Variants in HNRNPA3 observed in about 807,000 individuals in gnomAD.
HNRNPA3 encodes the protein heterogeneous nuclear ribonucleoprotein A3, also known as epididymis secretory sperm binding protein.
In HNRNPA3, 3 loss-of-function variants were observed where a neutral mutation model predicts 45.8. That is an observed-to-expected ratio of 0.07 (90% confidence interval 0.03 to 0.17). The LOEUF is 0.17. HNRNPA3 is among the 10% of genes least tolerant of loss of function. The pLI, the probability that HNRNPA3 is intolerant of heterozygous loss-of-function variation, is 1.00. For missense variants in HNRNPA3, 183 were observed against 480.3 expected, an observed-to-expected ratio of 0.38 and a Z score of 5.79; for synonymous variants, 170 against 155.6, an observed-to-expected ratio of 1.09 and a Z score of -0.69.
intron 7 of HNRNPA3, 113 bp from the exon 8 acceptor site, chr2:177,217,592 A>G: frequency 7.7e-7 from 1 of 1,299,748 alleles, no homozygotes; most frequent in Non-Finnish European, 1.1e-6. Context: ...GCACCACTGT[A>G]CTTGAGCCCG....
intron 1 of HNRNPA3, 61 bp from the exon 2 acceptor site, chr2:177,215,478 C>G: frequency 2.0e-6 from 3 of 1,527,676 alleles, no homozygotes; most frequent in Non-Finnish European, 2.7e-6. Flanking sequence ...ATTAAAGGCT[C>G]TTCGTGCATC....
intron 6 of HNRNPA3, 30 bp downstream of exon 6, chr2:177,216,801 T>TA (rs1473826742): frequency 1.9e-6 from 3 of 1,613,562 alleles, no homozygotes; most frequent in Non-Finnish European, 2.5e-6. Context: ...AGTACATGGA[T>TA]ACCTGACATT....
chr2:177,217,860 G>A lies in HNRNPA3; in HGVS notation c.961+15G>A. The A allele has an allele frequency of 6.5e-7, 1 of 1,546,140 alleles. No individual in the cohort carries two copies. The highest frequency in any genetic ancestry group is 8.7e-7 in the Non-Finnish European group (1 of 1,149,248). On this transcript the variant is annotated intron_variant, in intron 8 of 10. Transcript: ENST00000392524. ...TTTTGGCGGTGGTAAGCATTCACTTGTTTTATTTAAATGTTAAATATTCAG... is the reference window on the plus strand; with the variant it reads ...TTTTGGCGGTGGTAAGCATTCACTTATTTTATTTAAATGTTAAATATTCAG...
exon 11 of HNRNPA3, chr2:177,219,874 A>G (rs1437695703): frequency 6.5e-6 from 1 of 152,684 alleles, no homozygotes; most frequent in Non-Finnish European, 1.5e-5. Flanking sequence ...AGTAAAGAAG[A>G]TCATTGTTAA....
chr2:177,222,851 A>G (rs1226124267), downstream of HNRNPA3: 1 of 152,646 alleles, frequency 6.6e-6, no homozygotes, highest in Non-Finnish European at 1.5e-5. Flanking sequence ...TCTTGCATTT[A>G]AATTCAGGGA....
chr2:177,221,691 C>CA (rs1311759103), downstream of HNRNPA3: 1 of 152,518 alleles, frequency 6.6e-6, no homozygotes, highest in East Asian at 1.9e-4. Context: ...CACAGAAACT[C>CA]ACTAAGACAG....
intron 8 of HNRNPA3, among the ~76,000 whole-genome samples, chr2:177,218,165 G>A (rs955390575): frequency 9.4e-5 from 14 of 148,610 alleles, no homozygotes; most frequent in African/African-American, 2.5e-4. Flanking sequence ...GGGTTCATGC[G>A]ATTCTCCTGC....
At chr2:177,217,050 A>G (rs1688973274) in intron 7 of HNRNPA3, 110 bp downstream of exon 7, 3 of 1,178,104 alleles carry the variant, frequency 2.5e-6, no homozygotes, top group African/African-American at 3.1e-5. Context: ...CTAAATGGTT[A>G]AGGTGTATTT....
intron 8 of HNRNPA3, 72 bp from the exon 9 acceptor site, chr2:177,218,965 T>C: frequency 1.3e-6 from 2 of 1,561,546 alleles, no homozygotes; most frequent in South Asian, 2.3e-5. Flanking sequence ...CAAAAGATAA[T>C]AGTTACATAC....
chr2:177,222,778 CAAA>C (rs941212945), downstream of HNRNPA3: 104 of 152,718 alleles, frequency 6.8e-4, no homozygotes, highest in African/African-American at 2.5e-3. Flanking sequence ...GACCCCATCT[CAAA>C]GAAGAAAAGT....
intron 1 of HNRNPA3, 64 bp downstream of exon 1, chr2:177,212,935 A>G: frequency 1.8e-6 from 2 of 1,086,846 alleles, no homozygotes; most frequent in Non-Finnish European, 2.5e-6. Context: ...GTTCGGTGGG[A>G]GCGGGGAGGC....
Position 177,216,197 on chromosome 2 carries a change from C to A in HNRNPA3, c.553+9C>A, listed in dbSNP as rs548778384. 2.8e-5 allele frequency: 42 copies of A among 1,514,938 alleles called. No individual in the cohort carries two copies. In the African/African-American group the frequency reaches 5.5e-4, roughly 20 times the overall value. 93.8% of individuals were successfully genotyped at this position (1,514,938 alleles called of 1,614,324 possible). A position where few individuals can be genotyped will look rare whatever the true frequency, so the allele number is the denominator to read the frequency against. ...AGTTGATAAAATTGTTGGTAAGTAG[C>A]AATTTATGGTAACTTGAATGAGAAA... On this transcript the variant is annotated intron_variant, in intron 4 of 10. Coordinates refer to ENST00000392524, the Ensembl canonical transcript of HNRNPA3.
intron 4 of HNRNPA3, 129 bp from the exon 5 acceptor site, chr2:177,216,374 C>A: frequency 1.4e-6 from 1 of 738,334 alleles, no homozygotes; most frequent in Non-Finnish European, 2.2e-6. Context: ...TCTCAGAATG[C>A]TCCTTCATTA....
intron 7 of HNRNPA3, 142 bp from the exon 8 acceptor site, chr2:177,217,563 A>C: frequency 1.1e-6 from 1 of 945,334 alleles, no homozygotes; most frequent in Non-Finnish European, 1.7e-6. Context: ...CAGGAGTTCA[A>C]GGCTGCATTG....
chr2:177,218,613 GC>G, intron 8 of HNRNPA3, among the ~76,000 whole-genome samples: 1 of 152,326 alleles, frequency 6.6e-6, no homozygotes, highest in African/African-American at 2.4e-5. Flanking sequence ...GGTAGTTGAA[GC>G]GTTTAAGCAA....
Position 177,220,020 on chromosome 2 carries a change from T to C in HNRNPA3, c.*628T>C, listed in dbSNP as rs1574246946. ...CTGACATGTGGAGAGAATAGATAAT[T>C]TGTGTGTTTGCAATGTGTGTTTTAG... On this transcript the variant is annotated 3_prime_UTR_variant, in exon 11 of 11. Coordinates refer to ENST00000392524, the Ensembl canonical transcript of HNRNPA3. The C allele has an allele frequency of 2.6e-5, 4 of 152,730 alleles. No individual in the cohort carries two copies. In the Middle Eastern group the frequency reaches 0.01, roughly 390 times the overall value. The allele number at this position is 152,730 out of a possible 1,614,324, so 9.5% of individuals were successfully genotyped here.
chr2:177,216,311 T>C, intron 4 of HNRNPA3, 123 bp downstream of exon 4: 1 of 742,012 alleles, frequency 1.3e-6, no homozygotes, highest in Non-Finnish European at 2.2e-6. Context: ...TAGTCAATTT[T>C]CATAGTGTCT....
exon 9 of HNRNPA3, chr2:177,219,157 G>A: frequency 1.2e-6 from 2 of 1,613,674 alleles, no homozygotes; most frequent in Non-Finnish European, 1.7e-6. Flanking sequence ...AGTCCCTATG[G>A]TGGTAAGTAC....
downstream of HNRNPA3, chr2:177,221,544 T>G (rs1324520932): frequency 6.6e-6 from 1 of 152,628 alleles, no homozygotes. Flanking sequence ...TATAAGCAGG[T>G]GAAATCTGTG....
Sources: allele counts gnomAD v4.1 joint callset (sites outside exome capture counted in the v4.1 genomes callset), GRCh38; gene constraint gnomAD v4.1.1; transcripts MANE v1.5; gene names NCBI Gene and HGNC (gene_info 2026-07-23, HGNC 2026-07-21).